The following POLR3A variants were observed in gnomAD, a reference collection of about 807,000 sequenced individuals.
The protein encoded by POLR3A is RNA polymerase III subunit A, also known as DNA-directed RNA polymerase III subunit RPC1.
POLR3A carries 112 observed loss-of-function variants against 152.8 expected under a neutral mutation model. The observed-to-expected ratio is 0.73, with a 90% confidence interval of 0.63 to 0.86. The LOEUF (loss-of-function observed/expected upper bound fraction) is 0.86, where lower values mean the gene tolerates loss of function less well. POLR3A is among the 40% of genes least tolerant of loss of function. POLR3A has a pLI of 0.00. For missense variants in POLR3A, 1,385 were observed against 1,743.1 expected (o/e 0.79, Z 3.66); for synonymous variants, 615 against 652.1 (o/e 0.94, Z 0.87).
intron 1 of POLR3A, among the ~76,000 whole-genome samples, 185 bp from the exon 2 acceptor site, chr10:78,026,414 T>C (rs1847635320): frequency 6.6e-6 from 1 of 152,176 alleles, no homozygotes; most frequent in South Asian, 2.1e-4. Context: ...CTTACTGGAA[T>C]CCAGTTTCTA....
At chr10:78,004,612 A>T in intron 16 of POLR3A, 104 bp downstream of exon 16, 1 of 912,950 alleles carries the variant, frequency 1.1e-6, no homozygotes, top group Non-Finnish European at 1.7e-6. Flanking sequence ...TGACTTGCCC[A>T]CTCCTTTGCT....
intron 26 of POLR3A, among the ~76,000 whole-genome samples, chr10:77,983,590 G>A (rs117094366): frequency 0.02 from 3,091 of 152,300 alleles, 41 homozygotes; most frequent in Non-Finnish European, 0.027. Context: ...ATCCACAGAT[G>A]AGTAAGACAC....
At chr10:77,986,475 T>C (rs1847199623) in intron 21 of POLR3A, among the ~76,000 whole-genome samples, 2 of 152,188 alleles carry the variant, frequency 1.3e-5, no homozygotes, top group Non-Finnish European at 2.9e-5. Flanking sequence ...CTCTCCCACG[T>C]GCCACGAGGG....
chr10:77,990,904 A>C, intron 21 of POLR3A, 150 bp downstream of exon 21: 1 of 649,616 alleles, frequency 1.5e-6, no homozygotes, highest in Non-Finnish European at 2.8e-6. Flanking sequence ...ATGAGCCACC[A>C]TGCCTGGCCC....
In POLR3A at chr10:77,993,089, T is replaced by C. The variant is rs554537852; in HGVS notation, c.2787+108A>G. 3 of 870,514 alleles carry C rather than the reference T, an allele frequency of 3.4e-6. No individual in the cohort carries two copies. In the South Asian group the frequency reaches 4.0e-5, roughly 12 times the overall value. 53.9% of individuals were successfully genotyped at this position (870,514 alleles called of 1,614,324 possible). A position where few individuals can be genotyped will look rare whatever the true frequency, so the allele number is the denominator to read the frequency against. On this transcript the variant is annotated intron_variant, in intron 20 of 30. Coordinates refer to ENST00000372371, the MANE Select transcript of POLR3A (RefSeq NM_007055.4). ...GATACTAATCCAGTGCTTGGGATTA[T>C]AAATACTGAAGTATTTATTAACTGC...
At chr10:77,977,695 T>C (rs1365550305) in intron 30 of POLR3A, 69 bp from the exon 31 acceptor site, 4 of 1,358,316 alleles carry the variant, frequency 2.9e-6, no homozygotes, top group Non-Finnish European at 3.2e-6. Flanking sequence ...AGAAAGACTA[T>C]TGGCTTAAGT....
At position 78,009,570 on chromosome 10, in the gene POLR3A, C is replaced by A. The variant is rs1341185358; in HGVS notation, c.1876G>T (p.Gly626Cys). ...NLRTKGKQYCGKGEDLCANDS... is the reference protein window; with the variant it reads ...NLRTKGKQYCCKGEDLCANDS... ...TTGGCACAGAGATCTTCCCCTTTGC[C>A]ACAGTACTGCTTGCCCTTGGTTCGC... Residue 626 changes from glycine (G) to cysteine (C), a missense_variant, in exon 14 of 31, where the codon GGC becomes TGC. Physicochemically the swap from Gly to Cys is radical, Grantham distance 159. Coordinates refer to ENST00000372371, the MANE Select transcript of POLR3A (RefSeq NM_007055.4). The A allele has an allele frequency of 6.2e-7, 1 of 1,614,208 alleles. No individual in the cohort carries two copies. Among genetic ancestry groups the A allele is most frequent in the South Asian group, 1.1e-5 (1 of 91,084 alleles).
In POLR3A at chr10:77,975,816, C is replaced by T. The variant is rs1416200822; in HGVS notation, c.*1662G>A. 1 of 152,196 alleles carries T rather than the reference C, an allele frequency of 6.6e-6. No homozygotes were observed. The highest frequency in any genetic ancestry group is 1.5e-5 in the Non-Finnish European group (1 of 68,120). 9.4% of individuals were successfully genotyped at this position (152,196 alleles called of 1,614,324 possible). A position where few individuals can be genotyped will look rare whatever the true frequency, so the allele number is the denominator to read the frequency against. Reference sequence around the variant, plus strand: ...GCCTACAGCTTACTTCCCAGGCATGCTTCCAGGAAGGCAGTTGGGGTGGGG... The same window carrying T: ...GCCTACAGCTTACTTCCCAGGCATGTTTCCAGGAAGGCAGTTGGGGTGGGG... On this transcript the variant is annotated 3_prime_UTR_variant, in exon 31 of 31. Coordinates refer to ENST00000372371, the MANE Select transcript of POLR3A (RefSeq NM_007055.4).
chr10:78,002,684 C>T (rs1847369120), intron 16 of POLR3A, among the ~76,000 whole-genome samples: 2 of 152,038 alleles, frequency 1.3e-5, no homozygotes, highest in Non-Finnish European at 2.9e-5. Flanking sequence ...GGTATATGTC[C>T]CTACCAGGCC....
At chr10:77,998,232 C>G (rs1357671196) in intron 19 of POLR3A, among the ~76,000 whole-genome samples, 1 of 151,972 alleles carries the variant, frequency 6.6e-6, no homozygotes, top group Non-Finnish European at 1.5e-5. Context: ...GCATTCAGGA[C>G]ATAGGCATGG....
intron 1 of POLR3A, 62 bp from the exon 2 acceptor site, chr10:78,026,291 A>T: frequency 6.3e-7 from 1 of 1,579,504 alleles, no homozygotes; most frequent in South Asian, 1.1e-5. Context: ...TGTCTATTAC[A>T]TACATAGCCC....
In POLR3A at chr10:77,986,071, A is replaced by G; in HGVS notation, c.2988+2T>C. On this transcript the variant is annotated splice_donor_variant, in intron 22 of 30. Transcript: ENST00000372371. LOFTEE classifies it high-confidence loss of function. ...TTCTAACGCGTCTTGGAGGGATATT[A>G]CCTCTGTTGTGCCGTTATCATTGAT... The G allele has an allele frequency of 6.3e-7, 1 of 1,586,842 alleles. No individual in the cohort carries two copies. Among genetic ancestry groups the G allele is most frequent in the Non-Finnish European group, 8.7e-7 (1 of 1,155,254 alleles).
At chr10:77,988,497 A>G (rs1847218504) in intron 21 of POLR3A, among the ~76,000 whole-genome samples, 1 of 152,142 alleles carries the variant, frequency 6.6e-6, no homozygotes, top group Admixed American at 6.5e-5. Context: ...GTCTCAGGAA[A>G]AAAAAAACAA....
chr10:77,980,219 GCA>G lies in POLR3A; in HGVS notation c.3944_3945del (p.Val1315AlafsTer7), dbSNP rs1378008503. 3 of 1,613,490 alleles carry G rather than the reference GCA, an allele frequency of 1.9e-6. No individual in the cohort carries two copies. Among genetic ancestry groups the G allele is most frequent in the Non-Finnish European group, 2.5e-6 (3 of 1,179,458 alleles). Reference sequence around the variant, plus strand: ...GTCTTCTCAAAGGAGGCCAGCATCAGCACACTCTCCTTCATCTTGGCCAGGCC... The same window carrying G: ...GTCTTCTCAAAGGAGGCCAGCATCAGCACTCTCCTTCATCTTGGCCAGGCC... ...RFGLAKMKES[V>X]LMLASFEKTA... On this transcript the variant is annotated frameshift_variant, in exon 30 of 31. Coordinates refer to ENST00000372371, the MANE Select transcript of POLR3A (RefSeq NM_007055.4). LOFTEE classifies it high-confidence loss of function.
chr10:77,978,788 G>T (rs1195684444), intron 30 of POLR3A, among the ~76,000 whole-genome samples: 3 of 151,622 alleles, frequency 2.0e-5, no homozygotes, highest in Non-Finnish European at 2.9e-5. Context: ...AGCCTCCCGA[G>T]TAGCTGGGAT....
chr10:78,007,940 T>A lies in POLR3A; in HGVS notation c.1910-74A>T. 9 of 1,346,640 alleles carry A rather than the reference T, an allele frequency of 6.7e-6. No homozygotes were observed. In the Admixed American group the frequency reaches 1.6e-4, roughly 24 times the overall value. The allele number at this position is 1,346,640 out of a possible 1,614,324, so 83.4% of individuals were successfully genotyped here. A position where few individuals can be genotyped will look rare whatever the true frequency, so the allele number is the denominator to read the frequency against. On this transcript the variant is annotated intron_variant, in intron 14 of 30. Coordinates refer to ENST00000372371, the MANE Select transcript of POLR3A (RefSeq NM_007055.4). ...TTATTCCAAAATGAATTTGAGACAG[T>A]TGAGAAAATATGTTCCCATACTGAC... is the stretch of plus-strand genomic sequence containing the variant.
At chr10:77,982,451 AGAAG>A in intron 27 of POLR3A, 133 bp from the exon 28 acceptor site, 1 of 997,298 alleles carries the variant, frequency 1.0e-6, no homozygotes, top group Non-Finnish European at 1.6e-6. Flanking sequence ...AAGGGAGAAC[AGAAG>A]TTGTTCAGGG....
Position 78,029,415 on chromosome 10 carries a change from G to A in POLR3A, c.-8C>T. 6.2e-7 allele frequency: 1 copy of A among 1,613,942 alleles called. No individual in the cohort carries two copies. The highest frequency in any genetic ancestry group is 8.5e-7 in the Non-Finnish European group (1 of 1,179,998). On this transcript the variant is annotated 5_prime_UTR_variant, in exon 1 of 31. Coordinates refer to ENST00000372371, the MANE Select transcript of POLR3A (RefSeq NM_007055.4). Reference sequence around the variant, plus strand: ...GAACTGCTCCTTCACCATGATGACCGCTGCCGGGACGCCTCCTTGGCACTC... The same window carrying A: ...GAACTGCTCCTTCACCATGATGACCACTGCCGGGACGCCTCCTTGGCACTC...
intron 19 of POLR3A, among the ~76,000 whole-genome samples, chr10:77,996,784 A>G (rs988966423): frequency 6.6e-6 from 1 of 152,206 alleles, no homozygotes; most frequent in African/African-American, 2.4e-5. Flanking sequence ...TCAATAGAAA[A>G]AGAGGGAATC....
Sources: allele counts gnomAD v4.1 joint callset (sites outside exome capture counted in the v4.1 genomes callset), GRCh38; gene constraint gnomAD v4.1.1; transcripts MANE v1.5; gene names NCBI Gene and HGNC (gene_info 2026-07-23, HGNC 2026-07-21).